The following SOX5 variants were observed in gnomAD, a reference collection of about 807,000 sequenced individuals.
SOX5 encodes transcription factor SOX-5.
Under a neutral mutation model 92.0 loss-of-function variants are expected in SOX5, and 9 were observed. That is an observed-to-expected ratio of 0.10 (90% CI 0.06 to 0.17). The LOEUF (loss-of-function observed/expected upper bound fraction) is 0.17. Among genes scored for constraint, SOX5 ranks in the 10% least tolerant of loss-of-function variants. The pLI is 1.00. For synonymous variants in SOX5, 344 were observed against 336.3 expected (o/e 1.02, Z -0.25); for missense variants, 642 against 944.5 (o/e 0.68, Z 4.20).
At chr12:24,023,726 C>G (rs1954569098) in intron 4 of SOX5, among the ~76,000 whole-genome samples, 1 of 152,000 alleles carries the variant, frequency 6.6e-6, no homozygotes, top group African/African-American at 2.4e-5. Flanking sequence ...ATGTCATATG[C>G]TCAGCTACAT....
chr12:24,549,052 T>TGGAAAA (rs2138918799), intron 1 of SOX5, among the ~76,000 whole-genome samples: 1 of 152,310 alleles, frequency 6.6e-6, no homozygotes, highest in East Asian at 1.9e-4. Context: ...TCCCTCCCTC[T>TGGAAAA]TTGGAAACCT....
At chr12:23,944,715 G>T (rs1944256707) in intron 1 of SOX5, among the ~76,000 whole-genome samples, 1 of 152,134 alleles carries the variant, frequency 6.6e-6, no homozygotes, top group Non-Finnish European at 1.5e-5. Context: ...AGAGAAGGAA[G>T]GAGATAATGA....
chr12:23,928,212 A>C (rs1940500381), intron 1 of SOX5, among the ~76,000 whole-genome samples: 1 of 152,080 alleles, frequency 6.6e-6, no homozygotes, highest in African/African-American at 2.4e-5. Flanking sequence ...ACCAGGAAAA[A>C]CATAGGACCT....
At chr12:24,049,638 G>GTTTTTTTTTTTTTTTTTTTT (rs527647441) in intron 4 of SOX5, among the ~76,000 whole-genome samples, 3 of 73,748 alleles carry the variant, frequency 4.1e-5, no homozygotes, top group African/African-American at 1.8e-4. Context: ...ATCCTTCATA[G>GTTTTTTTTTTTTTTTTTTTT]TTTTTTTTTT....
At chr12:24,018,811 TA>T (rs1391137259) in intron 4 of SOX5, among the ~76,000 whole-genome samples, 7 of 151,890 alleles carry the variant, frequency 4.6e-5, no homozygotes, top group African/African-American at 7.2e-5. Flanking sequence ...AAAAAATAAA[TA>T]AATAAAAAAT....
rs142835300 is a variant in SOX5 at position 24,464,472 on chromosome 12, C to G, written c.-250-95833G>C. On this transcript the variant is annotated intron_variant, in intron 1 of 4. Transcript: ENST00000446891. ...TCTCCTGCCTCAGCCTCCCGAGTAG[C>G]TGGGACTACAGGTGCCCACCACCAC... Among the ~76,000 whole-genome samples, 174 of 152,224 alleles carry G rather than the reference C, an allele frequency of 1.1e-3. 7 individuals are homozygous for G. In the East Asian group the frequency reaches 0.032, roughly 28 times the overall value.
At chr12:23,793,474 GAATATTT>G (rs1462206727) in intron 3 of SOX5, among the ~76,000 whole-genome samples, 1 of 152,142 alleles carries the variant, frequency 6.6e-6, no homozygotes, top group Non-Finnish European at 1.5e-5. Context: ...TTCAGCACAT[GAATATTT>G]AAGAAGAACT....
intron 8 of SOX5, chr12:23,637,986 T>A (rs1277228795): frequency 2.6e-5 from 4 of 152,078 alleles, no homozygotes; most frequent in African/African-American, 9.7e-5. Context: ...ACTACAGGTT[T>A]CTCCATGGAG....
At chr12:23,723,479 T>A (rs954284775) in intron 6 of SOX5, among the ~76,000 whole-genome samples, 1 of 151,742 alleles carries the variant, frequency 6.6e-6, no homozygotes, top group Non-Finnish European at 1.5e-5. Flanking sequence ...GATGTAGGTA[T>A]TCGCCAAGCC....
chr12:23,816,874 C>G (rs2096005997), intron 3 of SOX5, among the ~76,000 whole-genome samples: 1 of 152,204 alleles, frequency 6.6e-6, no homozygotes, highest in African/African-American at 2.4e-5. Context: ...TCACACGCCA[C>G]TGAGGCTCTT....
intron 4 of SOX5, among the ~76,000 whole-genome samples, chr12:24,083,517 T>G (rs1442845816): frequency 6.6e-6 from 1 of 152,082 alleles, no homozygotes; most frequent in Non-Finnish European, 1.5e-5. Context: ...TTGTAATCAC[T>G]CACTGTGAAG....
Position 23,563,900 on chromosome 12 carries a change from A to T in SOX5, c.1343-497T>A, listed in dbSNP as rs1033620607. ...ATTAAGTTTGTTATATACAGAAGAAATAAATCATTATTTGACGGAAGAGTA... is the reference window on the plus strand; with the variant it reads ...ATTAAGTTTGTTATATACAGAAGAATTAAATCATTATTTGACGGAAGAGTA... On this transcript the variant is annotated intron_variant, in intron 10 of 14. Transcript: ENST00000451604. Among the ~76,000 whole-genome samples, 3 of 152,204 alleles carry T rather than the reference A, an allele frequency of 2.0e-5. No homozygotes were observed. In the East Asian group the frequency reaches 5.8e-4, roughly 29 times the overall value.
chr12:23,821,909 G>A (rs1349125091), intron 3 of SOX5, among the ~76,000 whole-genome samples: 2 of 147,282 alleles, frequency 1.4e-5, no homozygotes, highest in Non-Finnish European at 3.0e-5. Context: ...TATTTCCATA[G>A]AGGTGTTTAT....
At chr12:24,466,121 A>C (rs1211827627) in intron 1 of SOX5, among the ~76,000 whole-genome samples, 2 of 152,190 alleles carry the variant, frequency 1.3e-5, no homozygotes, top group Non-Finnish European at 2.9e-5. Context: ...GAGAGAGGAA[A>C]AGAGGGAGAA....
chr12:23,778,793 T>C (rs2095188887), intron 3 of SOX5, among the ~76,000 whole-genome samples: 1 of 152,164 alleles, frequency 6.6e-6, no homozygotes, highest in African/African-American at 2.4e-5. Context: ...TCATGTCTTC[T>C]TCTTCATAAG....
At chr12:23,875,709 T>C (rs563908165) in intron 2 of SOX5, among the ~76,000 whole-genome samples, 1 of 152,278 alleles carries the variant, frequency 6.6e-6, no homozygotes, top group Non-Finnish European at 1.5e-5. Context: ...TTTGAAGCAA[T>C]GCTAGGTTGA....
intron 1 of SOX5, among the ~76,000 whole-genome samples, chr12:23,910,188 T>A (rs1429792873): frequency 6.6e-6 from 1 of 152,164 alleles, no homozygotes; most frequent in Non-Finnish European, 1.5e-5. Context: ...TAAAAAGATA[T>A]TAAAGCACAT....
intron 7 of SOX5, among the ~76,000 whole-genome samples, chr12:23,657,009 G>A (rs1228319797): frequency 6.6e-6 from 1 of 151,984 alleles, no homozygotes; most frequent in Non-Finnish European, 1.5e-5. Context: ...ATAGAGACAG[G>A]TTTAAGAAAT....
At chr12:24,260,986 A>G (rs1942001383) in intron 3 of SOX5, among the ~76,000 whole-genome samples, 1 of 152,134 alleles carries the variant, frequency 6.6e-6, no homozygotes, top group African/African-American at 2.4e-5. Context: ...CAGATTCCCA[A>G]ATTAAAACCA....
Sources: allele counts gnomAD v4.1 joint callset (sites outside exome capture counted in the v4.1 genomes callset), GRCh38; gene constraint gnomAD v4.1.1; transcripts MANE v1.5; gene names NCBI Gene and HGNC (gene_info 2026-07-23, HGNC 2026-07-21).